CHKA: variants seen among roughly 807,000 people sequenced by gnomAD.
The protein encoded by CHKA is choline kinase alpha.
Under a neutral mutation model 60.1 loss-of-function variants are expected in CHKA, and 34 were observed. The ratio of observed to expected loss-of-function variants is 0.57; its 90% confidence interval spans 0.43 to 0.75. The LOEUF (loss-of-function observed/expected upper bound fraction) is 0.75. CHKA is among the 30% of genes least tolerant of loss of function. The pLI is 0.00. For synonymous variants in CHKA, 217 were observed against 223.1 expected, an observed-to-expected ratio of 0.97 and a Z score of 0.24; for missense variants, 563 against 561.3, an observed-to-expected ratio of 1.00 and a Z score of -0.03.
In CHKA at chr11:68,121,294, G is replaced by T; in HGVS notation, c.-117C>A. ...TGGCAGGCCGGCGGGGCAGGGGGCCGCGGCGGTTGGGCGCGCGGGGCGGCG... is the reference window on the plus strand; with the variant it reads ...TGGCAGGCCGGCGGGGCAGGGGGCCTCGGCGGTTGGGCGCGCGGGGCGGCG... On this transcript the variant is annotated 5_prime_UTR_variant, in exon 1 of 12. Transcript: ENST00000265689. 2 of 863,112 alleles carry T rather than the reference G, an allele frequency of 2.3e-6. No homozygotes were observed. The highest frequency in any genetic ancestry group is 2.8e-6 in the Non-Finnish European group (2 of 707,114). 53.5% of individuals were successfully genotyped at this position (863,112 alleles called of 1,614,324 possible).
intron 1 of CHKA, among the ~76,000 whole-genome samples, chr11:68,104,669 G>A (rs377753356): frequency 1.3e-5 from 2 of 151,980 alleles, no homozygotes; most frequent in South Asian, 2.1e-4. Flanking sequence ...TGATCCAACC[G>A]CCTCGGCCTC....
chr11:68,114,604 G>C lies in CHKA; in HGVS notation c.350+6224C>G, dbSNP rs192694973. Among the ~76,000 whole-genome samples, 423 of 152,132 alleles carry C rather than the reference G, an allele frequency of 2.8e-3. 3 individuals carry two copies. Among genetic ancestry groups the C allele is most frequent in the Admixed American group, 8.4e-3 (128 of 15,258 alleles). On this transcript the variant is annotated intron_variant, in intron 1 of 11. Transcript: ENST00000265689. ...TCCAGCTACTTGGGAGGCTGAGGAA[G>C]GAGAATTGCCTGAACCCGGAAGGCG...
chr11:68,065,022 TCC>T (rs1374066116), intron 9 of CHKA, among the ~76,000 whole-genome samples: 1 of 152,148 alleles, frequency 6.6e-6, no homozygotes, highest in African/African-American at 2.4e-5. Context: ...AGGAGGAAAT[TCC>T]CATGAGAACT....
At position 68,074,999 on chromosome 11, in the gene CHKA, G is replaced by T. The variant is rs1856741695; in HGVS notation, c.517-169C>A. Reference sequence around the variant, plus strand: ...AATATGAAGAAACAGAGGTTCCAAAGTCACACATCGTGTCATTTGCAGGAT... The same window carrying T: ...AATATGAAGAAACAGAGGTTCCAAATTCACACATCGTGTCATTTGCAGGAT... On this transcript the variant is annotated intron_variant, in intron 3 of 11. Transcript: ENST00000265689. Among the ~76,000 whole-genome samples the T allele has an allele frequency of 1.3e-5, 2 of 152,204 alleles. 1 individual carries two copies. The highest frequency in any genetic ancestry group is 4.1e-4 in the South Asian group (2 of 4,832).
At chr11:68,114,096 T>A (rs1858289311) in intron 1 of CHKA, among the ~76,000 whole-genome samples, 1 of 152,048 alleles carries the variant, frequency 6.6e-6, no homozygotes, top group African/African-American at 2.4e-5. Flanking sequence ...GGACATAGAA[T>A]AACAGGAAAT....
chr11:68,110,025 G>C (rs953839047), intron 1 of CHKA, among the ~76,000 whole-genome samples: 1 of 152,076 alleles, frequency 6.6e-6, no homozygotes, highest in Non-Finnish European at 1.5e-5. Context: ...AAAATCACAT[G>C]ATCATATCAA....
chr11:68,098,574 G>A (rs1353091020), intron 1 of CHKA, among the ~76,000 whole-genome samples: 3 of 152,198 alleles, frequency 2.0e-5, no homozygotes, highest in African/African-American at 7.2e-5. Context: ...TCTGGAGACG[G>A]ATGGTGGTGA....
chr11:68,116,864 A>G (rs139919283), intron 1 of CHKA, among the ~76,000 whole-genome samples: 112 of 152,314 alleles, frequency 7.4e-4, no homozygotes, highest in Admixed American at 1.4e-3. Flanking sequence ...TCATGTTAGG[A>G]CAATTTTTAT....
At chr11:68,109,976 C>T (rs1205821992) in intron 1 of CHKA, among the ~76,000 whole-genome samples, 2 of 151,986 alleles carry the variant, frequency 1.3e-5, no homozygotes, top group African/African-American at 4.8e-5. Context: ...AAAATAAAAT[C>T]AATTAATATA....
chr11:68,074,941 G>A (rs925581026), intron 3 of CHKA, 111 bp from the exon 4 acceptor site: 23 of 901,510 alleles, frequency 2.6e-5, no homozygotes, highest in Middle Eastern at 6.4e-4. Flanking sequence ...ATTCTTTCAC[G>A]TGGGCACTAC....
chr11:68,070,976 C>A, intron 4 of CHKA, 119 bp from the exon 5 acceptor site: 1 of 926,558 alleles, frequency 1.1e-6, no homozygotes. Context: ...ACCCAATGCC[C>A]CAAATTCCCT....
intron 4 of CHKA, among the ~76,000 whole-genome samples, 170 bp downstream of exon 4, chr11:68,074,547 G>A (rs186658183): frequency 9.9e-5 from 15 of 152,266 alleles, no homozygotes; most frequent in Admixed American, 7.8e-4. Context: ...AAAGAGGTTC[G>A]GATGTAAGTA....
At position 68,053,359 on chromosome 11, in the gene CHKA, CAGG is replaced by C. The variant is rs1855871879; in HGVS notation, c.*626_*628del. On this transcript the variant is annotated 3_prime_UTR_variant, in exon 12 of 12. Transcript: ENST00000265689. ...ACTCATCAGTGTCACACACGCCCAG[CAGG>C]AGGGGAGAGCTCTGCTCCACACGCT... is the stretch of plus-strand genomic sequence containing the variant. 6.6e-6 allele frequency: 1 copy of C among 152,666 alleles called. No individual in the cohort carries two copies. The highest frequency in any genetic ancestry group is 2.4e-5 in the African/African-American group (1 of 41,454). The allele number at this position is 152,666 out of a possible 1,614,324, so 9.5% of individuals were successfully genotyped here. A position where few individuals can be genotyped will look rare whatever the true frequency, so the allele number is the denominator to read the frequency against.
chr11:68,075,539 C>T (rs1187172614), intron 3 of CHKA, among the ~76,000 whole-genome samples: 2 of 152,166 alleles, frequency 1.3e-5, no homozygotes, highest in Admixed American at 1.3e-4. Context: ...AAAGCAAATT[C>T]AGTCCTTGGT....
chr11:68,061,959 C>T lies in CHKA; in HGVS notation c.1308G>A (p.Gly436=). 6.3e-7 allele frequency: 1 copy of T among 1,587,028 alleles called. No homozygotes were observed. The highest frequency in any genetic ancestry group is 8.6e-7 in the Non-Finnish European group (1 of 1,165,264). The change falls in exon 11 of 12, where the codon GGG becomes GGA. Residue 436 remains glycine, a synonymous_variant. Coordinates refer to ENST00000265689, the MANE Select transcript of CHKA (RefSeq NM_001277.3). The part of the protein sequence containing the change: ...VQAKISSIEF[G]YMDYAQARFD... The stretch of plus-strand genomic sequence containing the variant: ...AAACGCTGCTAAAACATACCATGTA[C>T]CCAAATTCAATAGATGAAATCTTGG...
chr11:68,076,448 A>G (rs1417753148), intron 3 of CHKA, among the ~76,000 whole-genome samples: 1 of 152,080 alleles, frequency 6.6e-6, no homozygotes, highest in Non-Finnish European at 1.5e-5. Context: ...ACATCACAGA[A>G]AGTATCCGGG....
intron 3 of CHKA, among the ~76,000 whole-genome samples, chr11:68,081,150 C>T (rs1565181461): frequency 6.6e-6 from 1 of 152,170 alleles, no homozygotes; most frequent in African/African-American, 2.4e-5. Flanking sequence ...TGCCAACATC[C>T]GAATGCTGTT....
intron 2 of CHKA, among the ~76,000 whole-genome samples, chr11:68,093,575 G>A (rs538502132): frequency 6.6e-6 from 1 of 151,972 alleles, no homozygotes; most frequent in African/African-American, 2.4e-5. Context: ...AAATAAATCG[G>A]GACATAGAAT....
chr11:68,108,266 C>T (rs915146029), intron 1 of CHKA, among the ~76,000 whole-genome samples: 1 of 152,108 alleles, frequency 6.6e-6, no homozygotes, highest in Non-Finnish European at 1.5e-5. Context: ...TGCAGTTGAG[C>T]TATGATCCCA....
Sources: gnomAD v4.1 joint callset for allele counts (sites outside exome capture counted in the v4.1 genomes callset) on GRCh38, gnomAD v4.1.1 for gene constraint, MANE v1.5 for transcripts, NCBI Gene and HGNC (gene_info 2026-07-23, HGNC 2026-07-21) for gene names.